Variants in WNK2 observed in about 807,000 individuals in gnomAD.
WNK2 encodes serine/threonine-protein kinase WNK2.
A neutral mutation model predicts 192.1 loss-of-function variants in WNK2; 67 were observed. The observed-to-expected ratio is 0.35, with a 90% CI of 0.29 to 0.43. WNK2 has a LOEUF of 0.43. Among genes scored for constraint, WNK2 ranks in the 20% least tolerant of loss-of-function variants. WNK2 has a pLI of 1.00. For missense variants in WNK2, 2,698 were observed against 3,089.7 expected, an observed-to-expected ratio of 0.87 and a Z score of 3.01; for synonymous variants, 1,439 against 1,393.9, an observed-to-expected ratio of 1.03 and a Z score of -0.72.
chr9:93,299,078 G>C lies in WNK2; in HGVS notation c.5932G>C (p.Ala1978Pro), dbSNP rs763946699. Residue 1978 changes from alanine to proline, a missense_variant, in exon 25 of 30, where the codon GCT (alanine) becomes CCT (proline). Physicochemically the swap from Ala to Pro is conservative, Grantham distance 27 (BLOSUM62 -1). Transcript: ENST00000427277. ...CTTCTCCCCCCGCCCAGGTCACTTGGCTGACTCCAGCAGAGGCCCTCCCGC... is the reference window on the plus strand; with the variant it reads ...CTTCTCCCCCCGCCCAGGTCACTTGCCTGACTCCAGCAGAGGCCCTCCCGC... ...KVVASSTGHL[A>P]DSSRGPPAKD... 1 of 1,609,904 alleles carries C rather than the reference G, an allele frequency of 6.2e-7. No individual in the cohort carries two copies. Among genetic ancestry groups the C allele is most frequent in the South Asian group, 1.1e-5 (1 of 90,906 alleles).
intron 2 of WNK2, among the ~76,000 whole-genome samples, chr9:93,208,733 C>CTGTGTGTTCTT (rs1563989888): frequency 1.5e-4 from 1 of 6,466 alleles, no homozygotes; most frequent in African/African-American, 1.3e-3. Context: ...CGTGCGTGTT[C>CTGTGTGTTCTT]TGTGTGTGTT....
At chr9:93,207,884 C>T (rs995719748) in intron 2 of WNK2, among the ~76,000 whole-genome samples, 16 of 152,198 alleles carry the variant, frequency 1.1e-4, no homozygotes, top group Admixed American at 8.5e-4. Flanking sequence ...ACACAGCCAC[C>T]GTTCTCGTTC....
intron 2 of WNK2, among the ~76,000 whole-genome samples, chr9:93,226,943 G>A (rs562961155): frequency 1.3e-5 from 2 of 152,184 alleles, no homozygotes; most frequent in South Asian, 4.1e-4. Context: ...CATCTTTTAT[G>A]GACTTATGTT....
chr9:93,290,573 A>G (rs1849186307), intron 21 of WNK2, among the ~76,000 whole-genome samples: 1 of 152,218 alleles, frequency 6.6e-6, no homozygotes. Context: ...TTGCAGGGAC[A>G]CGTCACAGCT....
rs1410446407 is a variant in WNK2, at chr9:93,230,957, C to T, written c.924C>T (p.Gly308=). The T allele has an allele frequency of 3.1e-6, 5 of 1,613,760 alleles. No individual in the cohort carries two copies. In the African/African-American group the frequency reaches 5.3e-5, roughly 17 times the overall value. The stretch of plus-strand genomic sequence containing the variant: ...GCTGGTGCCGGCAGATCCTGAAGGG[C>T]CTGCTGTTCCTGCACACAAGGACGC... ...LRSWCRQILK[G]LLFLHTRTPP... The change falls in exon 4 of 30, where the codon GGC becomes GGT. Residue 308 remains glycine (G), a synonymous_variant. Coordinates refer to ENST00000427277, the MANE Select transcript of WNK2 (RefSeq NM_006648.4).
intron 2 of WNK2, among the ~76,000 whole-genome samples, chr9:93,224,721 G>C (rs972676487): frequency 2.6e-5 from 4 of 152,162 alleles, no homozygotes. Context: ...ATAGCACTGG[G>C]GACTTGGTAG....
At chr9:93,298,943 G>T (rs1439189326) in intron 24 of WNK2, 127 bp from the exon 25 acceptor site, 12 of 953,310 alleles carry the variant, frequency 1.3e-5, no homozygotes, top group Non-Finnish European at 1.8e-5. Flanking sequence ...CCATGTGCCT[G>T]TGGTCTGCAG....
chr9:93,235,583 G>GAA (rs1439741905), intron 5 of WNK2, among the ~76,000 whole-genome samples: 2 of 152,238 alleles, frequency 1.3e-5, no homozygotes, highest in Non-Finnish European at 2.9e-5. Context: ...CCACTGGGTG[G>GAA]AGGGAATGCA....
chr9:93,279,006 C>T (rs575505328), intron 19 of WNK2, among the ~76,000 whole-genome samples: 1 of 152,280 alleles, frequency 6.6e-6, no homozygotes, highest in South Asian at 2.1e-4. Flanking sequence ...TATACAAAAT[C>T]CTACAGGCAA....
chr9:93,278,544 C>T (rs1055768960), intron 19 of WNK2, among the ~76,000 whole-genome samples: 4 of 152,226 alleles, frequency 2.6e-5, no homozygotes, highest in Non-Finnish European at 4.4e-5. Context: ...GCTTCTCTTA[C>T]CTCACCTGTC....
intron 9 of WNK2, among the ~76,000 whole-genome samples, chr9:93,255,665 G>C (rs1450523498): frequency 6.6e-6 from 1 of 152,162 alleles, no homozygotes; most frequent in Non-Finnish European, 1.5e-5. Context: ...TCACATTCTC[G>C]TTGTTTTGAA....
chr9:93,223,545 G>A (rs1487164398), intron 2 of WNK2, among the ~76,000 whole-genome samples: 2 of 152,180 alleles, frequency 1.3e-5, no homozygotes, highest in Non-Finnish European at 2.9e-5. Flanking sequence ...AGCCCTTTCC[G>A]CACACCCAGA....
chr9:93,319,953 C>T (rs538929429), intron 29 of WNK2, among the ~76,000 whole-genome samples: 18 of 152,310 alleles, frequency 1.2e-4, no homozygotes, highest in African/African-American at 3.8e-4. Context: ...GTCTCCTGCC[C>T]GGTCCACTGT....
chr9:93,232,291 AC>A (rs1222824195), intron 4 of WNK2, among the ~76,000 whole-genome samples: 1 of 152,170 alleles, frequency 6.6e-6, no homozygotes, highest in Non-Finnish European at 1.5e-5. Flanking sequence ...CCCTGTGTAC[AC>A]AAAGCCTCTG....
Position 93,256,889 on chromosome 9 carries a change from G to T in WNK2, c.2191-59G>T, listed in dbSNP as rs889079765. On this transcript the variant is annotated intron_variant, in intron 10 of 29. Coordinates refer to ENST00000427277, the MANE Select transcript of WNK2 (RefSeq NM_006648.4). Reference sequence around the variant, plus strand: ...TGATATCCTGTCATGTGTAACCAGTGGGGTGCGCTTGTCTGGGCAGATTGG... The same window carrying T: ...TGATATCCTGTCATGTGTAACCAGTTGGGTGCGCTTGTCTGGGCAGATTGG... 27 of 1,451,378 alleles carry T rather than the reference G, an allele frequency of 1.9e-5. No individual in the cohort carries two copies. In the South Asian group the frequency reaches 2.8e-4, roughly 15 times the overall value. 89.9% of individuals were successfully genotyped at this position (1,451,378 alleles called of 1,614,324 possible).
intron 16 of WNK2, among the ~76,000 whole-genome samples, chr9:93,264,296 CCCTT>C (rs2133068070): frequency 6.6e-6 from 1 of 152,302 alleles, no homozygotes; most frequent in Non-Finnish European, 1.5e-5. Flanking sequence ...AGCATCTGAG[CCCTT>C]CCTCCAAATA....
At chr9:93,234,504 G>C (rs544540328) in intron 4 of WNK2, among the ~76,000 whole-genome samples, 2 of 152,348 alleles carry the variant, frequency 1.3e-5, no homozygotes, top group East Asian at 3.9e-4. Context: ...CTCCTTCCAG[G>C]CTCGGACCCC....
chr9:93,260,816 C>T (rs1168701137), intron 12 of WNK2, among the ~76,000 whole-genome samples: 1 of 152,172 alleles, frequency 6.6e-6, no homozygotes, highest in East Asian at 1.9e-4. Flanking sequence ...GCTCAGAGCC[C>T]GCTGGTTTGC....
chr9:93,318,962 A>G, intron 29 of WNK2: 1 of 1,446,970 alleles, frequency 6.9e-7, no homozygotes, highest in Non-Finnish European at 9.1e-7. Context: ...CTATTATTCC[A>G]TCAATTCAGT....
Sources: allele counts gnomAD v4.1 joint callset (sites outside exome capture counted in the v4.1 genomes callset), GRCh38; gene constraint gnomAD v4.1.1; transcripts MANE v1.5; gene names NCBI Gene and HGNC (gene_info 2026-07-23, HGNC 2026-07-21).